NT5C3A: variants seen among roughly 807,000 people sequenced by gnomAD.
The protein encoded by NT5C3A is cytosolic 5'-nucleotidase 3A.
A neutral mutation model predicts 40.0 loss-of-function variants in NT5C3A; 23 were observed. That is an observed-to-expected ratio of 0.58 (90% CI 0.41 to 0.81). NT5C3A has a LOEUF of 0.81. Ranked by LOEUF, NT5C3A falls within the 40% of genes least tolerant of loss-of-function variation. The pLI, the probability that NT5C3A is intolerant of heterozygous loss-of-function variation, is 0.00. For missense variants in NT5C3A, 328 were observed against 403.0 expected (o/e 0.81, Z 1.59); for synonymous variants, 130 against 141.4 (o/e 0.92, Z 0.57).
chr7:33,026,353 G>GAGAAAA (rs1785931012), intron 2 of NT5C3A, among the ~76,000 whole-genome samples: 1 of 94,178 alleles, frequency 1.1e-5, no homozygotes, highest in East Asian at 3.6e-4. Flanking sequence ...CATCTCAAAA[G>GAGAAAA]AAAAAAAAAA....
rs781303576 is a variant in NT5C3A at position 33,062,762 on chromosome 7, G to C, written c.-57C>G. 1.4e-5 allele frequency: 22 copies of C among 1,548,060 alleles called. No individual in the cohort carries two copies. Among genetic ancestry groups the C allele is most frequent in the Non-Finnish European group, 1.8e-5 (21 of 1,146,342 alleles). ...AAAAAACAGGCAGCTCGCGTAGACT[G>C]CGAGTCTCGGAAGCGCGGGATCCCA... is the stretch of plus-strand genomic sequence containing the variant. On this transcript the variant is annotated 5_prime_UTR_variant, in exon 1 of 9. Coordinates refer to ENST00000610140, the MANE Select transcript of NT5C3A (RefSeq NM_001002010.5).
In NT5C3A at chr7:33,014,210, C is replaced by A. The variant is rs775429497; in HGVS notation, c.*520G>T. 1 of 454,472 alleles carries A rather than the reference C, an allele frequency of 2.2e-6. No homozygotes were observed. Among genetic ancestry groups the A allele is most frequent in the Middle Eastern group, 6.9e-4 (1 of 1,444 alleles). 28.2% of individuals were successfully genotyped at this position (454,472 alleles called of 1,614,324 possible). The stretch of plus-strand genomic sequence containing the variant: ...GTAATGATTAGCAACATTGTAAACA[C>A]CACCAGGTTTTTCCAACACTAACTG... On this transcript the variant is annotated 3_prime_UTR_variant, in exon 9 of 9. Transcript: ENST00000610140.
chr7:33,033,126 C>T (rs1786375161), intron 1 of NT5C3A, among the ~76,000 whole-genome samples: 1 of 152,194 alleles, frequency 6.6e-6, no homozygotes, highest in Non-Finnish European at 1.5e-5. Context: ...TAGTTTGAAT[C>T]ACTTAAGAAA....
chr7:33,059,440 C>T (rs1189934007), intron 1 of NT5C3A, among the ~76,000 whole-genome samples: 1 of 152,142 alleles, frequency 6.6e-6, no homozygotes, highest in African/African-American at 2.4e-5. Flanking sequence ...GCCATTTTTT[C>T]CTTCTCTTCA....
At chr7:33,014,867 AGGG>A in intron 8 of NT5C3A, 36 bp from the exon 9 acceptor site, 1 of 1,549,568 alleles carries the variant, frequency 6.5e-7, no homozygotes, top group Non-Finnish European at 8.9e-7. Flanking sequence ...ATTAACATGC[AGGG>A]CAAAGAAACA....
At chr7:33,033,894 A>ATAT (rs11437974) in intron 1 of NT5C3A, among the ~76,000 whole-genome samples, 1 of 123,538 alleles carries the variant, frequency 8.1e-6, no homozygotes, top group South Asian at 2.5e-4. Flanking sequence ...ATATATATAT[A>ATAT]ATTTTTTTTT....
chr7:33,053,543 C>A (rs976597955), intron 1 of NT5C3A, among the ~76,000 whole-genome samples: 15 of 121,516 alleles, frequency 1.2e-4, no homozygotes, highest in South Asian at 5.3e-4. Flanking sequence ...TGTCTGTAAT[C>A]CCAGCTACTT....
intron 1 of NT5C3A, among the ~76,000 whole-genome samples, chr7:33,055,993 C>G (rs115752471): frequency 0.02 from 3,041 of 152,152 alleles, 97 homozygotes; most frequent in African/African-American, 0.07. Flanking sequence ...GCCTATATTC[C>G]CAGCTACCTG....
chr7:33,045,193 G>A (rs932174814), intron 1 of NT5C3A, among the ~76,000 whole-genome samples: 2 of 152,142 alleles, frequency 1.3e-5, no homozygotes, highest in Admixed American at 6.6e-5. Flanking sequence ...ACTGACTCTT[G>A]CAAAACTTGT....
At chr7:33,029,394 G>C (rs909757307) in intron 1 of NT5C3A, 1 of 335,740 alleles carries the variant, frequency 3.0e-6, no homozygotes, top group Admixed American at 4.0e-5. Flanking sequence ...GACCACTGCT[G>C]TTTTGGAATA....
At chr7:33,045,141 C>T (rs982145247) in intron 1 of NT5C3A, among the ~76,000 whole-genome samples, 10 of 152,192 alleles carry the variant, frequency 6.6e-5, no homozygotes, top group East Asian at 5.8e-4. Flanking sequence ...CTGCCATATA[C>T]GGAAGACAAT....
At chr7:33,016,053 G>T in intron 7 of NT5C3A, 183 bp from the exon 8 acceptor site, 1 of 593,636 alleles carries the variant, frequency 1.7e-6, no homozygotes, top group South Asian at 2.0e-5. Flanking sequence ...GCTCGGAGAA[G>T]TAAATGATTT....
chr7:33,025,727 T>G (rs1265501752), intron 2 of NT5C3A, among the ~76,000 whole-genome samples: 1 of 152,234 alleles, frequency 6.6e-6, no homozygotes, highest in African/African-American at 2.4e-5. Flanking sequence ...TTCAGGATTA[T>G]TAACTTTTGT....
intron 1 of NT5C3A, among the ~76,000 whole-genome samples, chr7:33,035,159 T>C (rs1460835472): frequency 6.6e-6 from 1 of 151,850 alleles, no homozygotes; most frequent in Non-Finnish European, 1.5e-5. Flanking sequence ...ACTGCTCTCA[T>C]TCAGGGCTAT....
rs543070570 is a variant in NT5C3A, at chr7:33,019,747, A to G, written c.441-23T>C. On this transcript the variant is annotated intron_variant, in intron 5 of 8. Transcript: ENST00000610140. ...TACCTGGAGTTTATGACCAAAGGAA[A>G]AAAGACTATCAATTAAGACAAACTA... 48 of 1,277,416 alleles carry G rather than the reference A, an allele frequency of 3.8e-5. No homozygotes were observed. The East Asian group carries it at 1.0e-3, about 28-fold the overall frequency. 79.1% of individuals were successfully genotyped at this position (1,277,416 alleles called of 1,614,324 possible).
intron 1 of NT5C3A, among the ~76,000 whole-genome samples, chr7:33,034,808 G>C (rs1315520460): frequency 2.6e-5 from 4 of 152,010 alleles, no homozygotes; most frequent in Non-Finnish European, 5.9e-5. Flanking sequence ...GAAAGAGAAA[G>C]CTGAAAAAAT....
At chr7:33,036,003 G>C in intron 1 of NT5C3A, 2 of 1,608,622 alleles carry the variant, frequency 1.2e-6, no homozygotes, top group Non-Finnish European at 1.7e-6. Context: ...ATTTTCCCAG[G>C]TGATGTCACA....
At chr7:33,036,660 G>A (rs1786621022) in intron 1 of NT5C3A, among the ~76,000 whole-genome samples, 1 of 152,114 alleles carries the variant, frequency 6.6e-6, no homozygotes, top group Admixed American at 6.6e-5. Context: ...TTCTCTACAT[G>A]TAAGGATGAA....
intron 5 of NT5C3A, 114 bp from the exon 6 acceptor site, chr7:33,019,838 A>C (rs1785529548): frequency 1.4e-6 from 1 of 705,852 alleles, no homozygotes; most frequent in South Asian, 1.5e-5. Context: ...ATTTGGATTT[A>C]AATTTTAGAG....
Sources: gnomAD v4.1 joint callset for allele counts (sites outside exome capture counted in the v4.1 genomes callset) on GRCh38, gnomAD v4.1.1 for gene constraint, MANE v1.5 for transcripts, NCBI Gene and HGNC (gene_info 2026-07-23, HGNC 2026-07-21) for gene names.